Variants in SLC47A1 observed in about 807,000 individuals in gnomAD.
The protein encoded by SLC47A1 is multidrug and toxin extrusion protein 1.
In SLC47A1, 58 loss-of-function variants were observed where a neutral mutation model predicts 65.8. The observed-to-expected ratio is 0.88, with a 90% CI of 0.71 to 1.10. The LOEUF (loss-of-function observed/expected upper bound fraction) is 1.10. Ranked by LOEUF, SLC47A1 falls within the 50% of genes least tolerant of loss-of-function variation. The pLI is 0.00. For missense variants in SLC47A1, 706 were observed against 719.2 expected, an observed-to-expected ratio of 0.98 and a Z score of 0.21; for synonymous variants, 285 against 295.0, an observed-to-expected ratio of 0.97 and a Z score of 0.35.
chr17:19,550,779 C>T (rs921596707), intron 5 of SLC47A1, among the ~76,000 whole-genome samples: 1 of 152,180 alleles, frequency 6.6e-6, no homozygotes, highest in African/African-American at 2.4e-5. Context: ...GGGTTGGTGT[C>T]CTCTGCGGCC....
At chr17:19,556,779 A>G (rs1311765232) in intron 10 of SLC47A1, among the ~76,000 whole-genome samples, 1 of 151,576 alleles carries the variant, frequency 6.6e-6, no homozygotes, top group East Asian at 1.9e-4. Flanking sequence ...CTGGTCTTGA[A>G]CTCCTGACCT....
At chr17:19,551,579 C>A in intron 6 of SLC47A1, 111 bp downstream of exon 6, 1 of 911,124 alleles carries the variant, frequency 1.1e-6, no homozygotes, top group South Asian at 1.4e-5. Flanking sequence ...GGAGGGAGCT[C>A]ACTGCTGGGA....
In SLC47A1 at chr17:19,572,969, G is replaced by A. The variant is rs1176203947; in HGVS notation, c.1486+108G>A. 10 of 877,192 alleles carry A rather than the reference G, an allele frequency of 1.1e-5. No homozygotes were observed. In the Admixed American group the frequency reaches 2.3e-4, roughly 20 times the overall value. 54.3% of individuals were successfully genotyped at this position (877,192 alleles called of 1,614,324 possible). On this transcript the variant is annotated intron_variant, in intron 16 of 16. Coordinates refer to ENST00000270570, the MANE Select transcript of SLC47A1 (RefSeq NM_018242.3). ...CTGCTATGAGCTCTCATTTAAATAGGGCAATAATGTTTCAGAAACACATGA... is the reference window on the plus strand; with the variant it reads ...CTGCTATGAGCTCTCATTTAAATAGAGCAATAATGTTTCAGAAACACATGA...
At chr17:19,537,622 A>G (rs1246733297) in intron 1 of SLC47A1, among the ~76,000 whole-genome samples, 1 of 152,196 alleles carries the variant, frequency 6.6e-6, no homozygotes, top group African/African-American at 2.4e-5. Context: ...CTTTGGCTTT[A>G]GCTCCTTAAA....
intron 12 of SLC47A1, 29 bp from the exon 13 acceptor site, chr17:19,566,761 A>G: frequency 6.2e-7 from 1 of 1,609,314 alleles, no homozygotes; most frequent in South Asian, 1.1e-5. Context: ...TTTGTCTCCT[A>G]ATCACCACGT....
rs1446442653 is a variant in SLC47A1 at position 19,555,678 on chromosome 17, G to A, written c.727G>A (p.Ala243Thr). The A allele has an allele frequency of 4.3e-6, 7 of 1,614,084 alleles. No homozygotes were observed. Among genetic ancestry groups the A allele is most frequent in the African/African-American group, 1.3e-5 (1 of 74,928 alleles). The change falls in exon 8 of 17, where the codon GCT (alanine) becomes ACT (threonine). Residue 243 changes from alanine to threonine, a missense_variant. Coordinates refer to ENST00000270570, the MANE Select transcript of SLC47A1 (RefSeq NM_018242.3). ...CATCCTCGGGAAAAAACTGCATCAA[G>A]CTACATGGGGAGGTAATGACTGCCC... ...LYILGKKLHQATWGGWSLECL... is the reference protein window; with the variant it reads ...LYILGKKLHQTTWGGWSLECL...
intron 12 of SLC47A1, 63 bp downstream of exon 12, chr17:19,560,556 T>G (rs370955368): frequency 3.0e-4 from 467 of 1,544,216 alleles, no homozygotes; most frequent in Non-Finnish European, 3.9e-4. Flanking sequence ...ATTGAGAAAA[T>G]TTGTTCTCTA....
intron 2 of SLC47A1, among the ~76,000 whole-genome samples, chr17:19,544,151 G>A (rs1253534526): frequency 6.6e-6 from 1 of 152,032 alleles, no homozygotes; most frequent in East Asian, 1.9e-4. Context: ...TCACCATGTT[G>A]GTCAGGTGGG....
At chr17:19,550,567 TG>T (rs1916418992) in intron 5 of SLC47A1, among the ~76,000 whole-genome samples, 1 of 152,178 alleles carries the variant, frequency 6.6e-6, no homozygotes, top group Non-Finnish European at 1.5e-5. Context: ...CCATCTGCTT[TG>T]GCCTCCCGAA....
intron 2 of SLC47A1, among the ~76,000 whole-genome samples, chr17:19,546,088 C>G (rs1231229657): frequency 6.6e-6 from 1 of 152,058 alleles, no homozygotes; most frequent in East Asian, 1.9e-4. Flanking sequence ...GTCATGGTAG[C>G]GCACTCCTGT....
At chr17:19,541,569 A>G (rs532740068) in intron 1 of SLC47A1, among the ~76,000 whole-genome samples, 2 of 152,134 alleles carry the variant, frequency 1.3e-5, no homozygotes, top group Non-Finnish European at 2.9e-5. Flanking sequence ...GCTTCCTAGA[A>G]TGCAAGGCGT....
intron 16 of SLC47A1, among the ~76,000 whole-genome samples, chr17:19,575,980 C>T (rs1323218005): frequency 1.3e-5 from 2 of 152,030 alleles, no homozygotes; most frequent in African/African-American, 4.8e-5. Flanking sequence ...TTTGGTGCTT[C>T]TGTTGAGGGA....
chr17:19,573,639 T>C (rs557610383), intron 16 of SLC47A1, among the ~76,000 whole-genome samples: 11 of 152,266 alleles, frequency 7.2e-5, no homozygotes, highest in African/African-American at 2.6e-4. Flanking sequence ...TGCCTTGGCC[T>C]CCCAAAGCAG....
chr17:19,573,729 A>G, intron 16 of SLC47A1, among the ~76,000 whole-genome samples: 1 of 151,576 alleles, frequency 6.6e-6, no homozygotes, highest in Non-Finnish European at 1.5e-5. Flanking sequence ...AAAATTGTTC[A>G]TAGAAGTAAC....
At chr17:19,566,354 C>T (rs116676738) in intron 12 of SLC47A1, among the ~76,000 whole-genome samples, 2 of 152,270 alleles carry the variant, frequency 1.3e-5, no homozygotes, top group Admixed American at 6.5e-5. Context: ...CCTCTATGGA[C>T]CCAGCAACAG....
chr17:19,559,857 C>CA (rs58568427), intron 10 of SLC47A1, among the ~76,000 whole-genome samples: 7,999 of 146,400 alleles, frequency 0.055, 507 homozygotes, highest in African/African-American at 0.15. Flanking sequence ...AAAACAAAAA[C>CA]AAAAAAAAAA....
At chr17:19,567,071 G>A (rs1190281203) in intron 13 of SLC47A1, 25 bp from the exon 14 acceptor site, 7 of 1,614,070 alleles carry the variant, frequency 4.3e-6, no homozygotes, top group South Asian at 3.3e-5. Flanking sequence ...TGTGTTCACA[G>A]TGATGGAATG....
At chr17:19,568,196 A>C (rs1305509779) in intron 14 of SLC47A1, 3 of 152,174 alleles carry the variant, frequency 2.0e-5, no homozygotes, top group African/African-American at 7.2e-5. Context: ...ACCTACAGGG[A>C]ACTTCCAGTT....
intron 12 of SLC47A1, among the ~76,000 whole-genome samples, chr17:19,565,824 G>A (rs531202336): frequency 1.3e-5 from 2 of 151,976 alleles, no homozygotes; most frequent in African/African-American, 2.4e-5. Context: ...CTTGTGATCC[G>A]CCCGCCTCGG....
Sources: allele counts gnomAD v4.1 joint callset (sites outside exome capture counted in the v4.1 genomes callset), GRCh38; gene constraint gnomAD v4.1.1; transcripts MANE v1.5; gene names NCBI Gene and HGNC (gene_info 2026-07-23, HGNC 2026-07-21).